The following SMYD2 variants were observed in gnomAD, a reference collection of about 807,000 sequenced individuals.
SMYD2 encodes N-lysine methyltransferase SMYD2.
In SMYD2, 53 loss-of-function variants were observed where a neutral mutation model predicts 59.1. The ratio of observed to expected loss-of-function variants is 0.90; its 90% CI spans 0.72 to 1.13. The LOEUF is 1.13. Among genes scored for constraint, SMYD2 ranks in the 50% most tolerant of loss-of-function variants. The pLI is 0.00. For missense variants in SMYD2, 494 were observed against 544.7 expected, an observed-to-expected ratio of 0.91 and a Z score of 0.93; for synonymous variants, 208 against 198.8, an observed-to-expected ratio of 1.05 and a Z score of -0.39.
chr1:214,295,522 T>G (rs1656710340), intron 1 of SMYD2, among the ~76,000 whole-genome samples: 1 of 152,198 alleles, frequency 6.6e-6, no homozygotes, highest in Non-Finnish European at 1.5e-5. Context: ...TTCCTCCTTG[T>G]AAATTACAGC....
chr1:214,333,679 A>C (rs953642639), intron 10 of SMYD2: 2 of 149,230 alleles, frequency 1.3e-5, no homozygotes, highest in African/African-American at 2.5e-5. Context: ...AAGACACAGG[A>C]AGTGTTCTGA....
rs1657363965 is a variant in SMYD2 at position 214,332,053 on chromosome 1, CAGG to C, written c.976_978del (p.Glu326del). Reference sequence around the variant, plus strand: ...GCTGCTGGAGATCTGCGAGCTCAGCCAGGAGAAGATGAGCTCTGTGTTTGAGGA... The same window carrying C: ...GCTGCTGGAGATCTGCGAGCTCAGCCAGAAGATGAGCTCTGTGTTTGAGGA... On this transcript the variant is annotated inframe_deletion, in exon 10 of 12. Transcript: ENST00000366957. The C allele has an allele frequency of 6.2e-7, 1 of 1,613,852 alleles. No homozygotes were observed. Among genetic ancestry groups the C allele is most frequent in the Non-Finnish European group, 8.5e-7 (1 of 1,179,992 alleles).
intron 2 of SMYD2, among the ~76,000 whole-genome samples, chr1:214,306,603 C>T (rs1303545332): frequency 6.6e-6 from 1 of 152,198 alleles, no homozygotes; most frequent in Non-Finnish European, 1.5e-5. Flanking sequence ...GAGGAAAGAT[C>T]ATACTTTGCT....
chr1:214,306,771 G>C (rs898673194), intron 2 of SMYD2, among the ~76,000 whole-genome samples: 2 of 152,218 alleles, frequency 1.3e-5, no homozygotes, highest in African/African-American at 4.8e-5. Context: ...CTGTAGCAAA[G>C]CAAGCATAGG....
rs181233017 is a variant in SMYD2, at chr1:214,299,894, C to T, written c.174-5293C>T. Among the ~76,000 whole-genome samples, 182 of 152,298 alleles carry T rather than the reference C, an allele frequency of 1.2e-3. 1 individual carries two copies. Among genetic ancestry groups the T allele is most frequent in the Middle Eastern group, 0.01 (3 of 292 alleles). On this transcript the variant is annotated intron_variant, in intron 1 of 11. Coordinates refer to ENST00000366957, the MANE Select transcript of SMYD2 (RefSeq NM_020197.3). ...GTGCTGGGATTACAGGCGTGAGCCA[C>T]CACACCCAGCCATGTTCTCACTTTG...
intron 1 of SMYD2, among the ~76,000 whole-genome samples, chr1:214,304,254 A>T (rs1437697554): frequency 6.6e-6 from 1 of 152,152 alleles, no homozygotes; most frequent in Non-Finnish European, 1.5e-5. Flanking sequence ...CCCATAATAC[A>T]GTATTCAAGA....
At chr1:214,296,433 A>C (rs1289895975) in intron 1 of SMYD2, among the ~76,000 whole-genome samples, 2 of 152,332 alleles carry the variant, frequency 1.3e-5, no homozygotes, top group East Asian at 3.9e-4. Context: ...TTCTGTTCAC[A>C]GTAGGGTAGA....
chr1:214,320,754 C>T (rs1346695914), intron 5 of SMYD2, among the ~76,000 whole-genome samples: 1 of 152,160 alleles, frequency 6.6e-6, no homozygotes, highest in African/African-American at 2.4e-5. Context: ...ATGTGACTGT[C>T]ATAATCAGAA....
intron 9 of SMYD2, 177 bp from the exon 10 acceptor site, chr1:214,331,838 TTTC>T (rs1482971076): frequency 8.1e-6 from 5 of 613,616 alleles, no homozygotes; most frequent in Admixed American, 6.5e-5. Context: ...ACCTTCAGGT[TTTC>T]TTCATTTGTT....
intron 5 of SMYD2, among the ~76,000 whole-genome samples, chr1:214,322,037 T>TG (rs926225841): frequency 1.3e-5 from 2 of 152,210 alleles, no homozygotes; most frequent in Non-Finnish European, 2.9e-5. Context: ...TGATCGAGTC[T>TG]GACTGGTCTA....
intron 5 of SMYD2, among the ~76,000 whole-genome samples, chr1:214,323,339 C>G (rs888725963): frequency 1.3e-5 from 2 of 152,190 alleles, no homozygotes; most frequent in African/African-American, 2.4e-5. Context: ...TAGAACAGTA[C>G]ATAAGTTAGG....
rs950090500 is a variant in SMYD2 at position 214,293,011 on chromosome 1, T to G, written c.173+11584T>G. ...TTTCCAAAGCTTTATCTTTTTCTGT[T>G]TGTGTGTGTGTGTGTGTGTGTGTGT... On this transcript the variant is annotated intron_variant, in intron 1 of 11. Coordinates refer to ENST00000366957, the MANE Select transcript of SMYD2 (RefSeq NM_020197.3). 2.9e-5 allele frequency among the ~76,000 whole-genome samples: 4 copies of G among 137,344 alleles called. No individual in the cohort carries two copies. In the South Asian group the frequency reaches 7.9e-4, roughly 27 times the overall value. 90.1% of individuals were successfully genotyped at this position (137,344 alleles called of 152,430 possible). A position where few individuals can be genotyped will look rare whatever the true frequency, so the allele number is the denominator to read the frequency against.
At chr1:214,289,773 G>T (rs1209430059) in intron 1 of SMYD2, among the ~76,000 whole-genome samples, 8 of 152,214 alleles carry the variant, frequency 5.3e-5, no homozygotes. Flanking sequence ...CTGTGGCTGT[G>T]TCAGGGCAGG....
intron 3 of SMYD2, among the ~76,000 whole-genome samples, chr1:214,316,666 A>C (rs1343777648): frequency 1.3e-5 from 2 of 152,190 alleles, no homozygotes; most frequent in Non-Finnish European, 2.9e-5. Context: ...ACAGAAGTAG[A>C]ACATTTCAAA....
At chr1:214,301,650 A>G (rs1656825662) in intron 1 of SMYD2, among the ~76,000 whole-genome samples, 1 of 151,864 alleles carries the variant, frequency 6.6e-6, no homozygotes, top group Non-Finnish European at 1.5e-5. Context: ...AAATTTTATC[A>G]TTGGCAACAA....
chr1:214,306,009 T>G (rs545566408), intron 2 of SMYD2, among the ~76,000 whole-genome samples: 4 of 152,332 alleles, frequency 2.6e-5, no homozygotes, highest in African/African-American at 9.6e-5. Context: ...CCTGTTATAG[T>G]CTTTAATACA....
chr1:214,300,198 A>T (rs937342756), intron 1 of SMYD2, among the ~76,000 whole-genome samples: 96 of 152,344 alleles, frequency 6.3e-4, no homozygotes, highest in Non-Finnish European at 2.2e-4. Flanking sequence ...TACATGTAGT[A>T]AAATCTTCCC....
intron 8 of SMYD2, 140 bp downstream of exon 8, chr1:214,330,418 A>G (rs1657333280): frequency 5.2e-6 from 3 of 576,952 alleles, no homozygotes; most frequent in Admixed American, 6.2e-5. Context: ...AGCCAAAGGG[A>G]ATCTAGTTAG....
intron 2 of SMYD2, among the ~76,000 whole-genome samples, chr1:214,314,466 G>A (rs6679133): frequency 6.6e-6 from 1 of 152,160 alleles, no homozygotes; most frequent in African/African-American, 2.4e-5. Context: ...ATGGAAAGAT[G>A]TATGTGTTGT....
Sources: allele counts gnomAD v4.1 joint callset (sites outside exome capture counted in the v4.1 genomes callset), GRCh38; gene constraint gnomAD v4.1.1; transcripts MANE v1.5; gene names NCBI Gene and HGNC (gene_info 2026-07-23, HGNC 2026-07-21).